LGR4: variants seen among roughly 807,000 people sequenced by gnomAD.
LGR4 encodes the protein leucine rich repeat containing G protein-coupled receptor 4.
A neutral mutation model predicts 84.8 loss-of-function variants in LGR4; 44 were observed. The ratio of observed to expected loss-of-function variants is 0.52; its 90% CI spans 0.41 to 0.67. The LOEUF (loss-of-function observed/expected upper bound fraction) is 0.67, where lower values mean the gene tolerates loss of function less well. Ranked by LOEUF, LGR4 falls within the 30% of genes least tolerant of loss-of-function variation. The pLI is 0.00. For synonymous variants in LGR4, 429 were observed against 434.3 expected, an observed-to-expected ratio of 0.99 and a Z score of 0.15; for missense variants, 1,032 against 1,131.4, an observed-to-expected ratio of 0.91 and a Z score of 1.26.
intron 2 of LGR4, among the ~76,000 whole-genome samples, chr11:27,396,539 T>A (rs76408750): frequency 0.035 from 5,334 of 152,174 alleles, 231 homozygotes; most frequent in African/African-American, 0.11. Flanking sequence ...TATTATTATT[T>A]TTTTTATTTT....
At chr11:27,412,457 G>C (rs1397967059) in intron 2 of LGR4, among the ~76,000 whole-genome samples, 2 of 152,026 alleles carry the variant, frequency 1.3e-5, no homozygotes, top group Non-Finnish European at 2.9e-5. Context: ...TGGTAACAAT[G>C]GTAATTATAC....
At chr11:27,378,841 A>G in intron 10 of LGR4, 73 bp from the exon 11 acceptor site, 1 of 992,620 alleles carries the variant, frequency 1.0e-6, no homozygotes, top group Non-Finnish European at 1.6e-6. Flanking sequence ...CCCATATAGA[A>G]TAAGTGCTCA....
chr11:27,440,153 G>T (rs1325009469), intron 1 of LGR4, among the ~76,000 whole-genome samples: 1 of 152,014 alleles, frequency 6.6e-6, no homozygotes, highest in Non-Finnish European at 1.5e-5. Context: ...TGATCTGCCC[G>T]CCTCGGCCTC....
intron 2 of LGR4, among the ~76,000 whole-genome samples, chr11:27,408,069 C>A (rs1863645247): frequency 1.3e-5 from 2 of 152,042 alleles, no homozygotes; most frequent in South Asian, 4.1e-4. Flanking sequence ...ATGTTATTAT[C>A]ATGGATTGAA....
chr11:27,380,274 C>A lies in LGR4; in HGVS notation c.968G>T (p.Ser323Ile). ...PNLTGTVHLE[S>I]LTLTGTKISS... ...CTCTTCAAAGGGCCTTACTTACAGACTTTCCAGGTGGACAGTTCCTGTAAG... is the reference window on the plus strand; with the variant it reads ...CTCTTCAAAGGGCCTTACTTACAGAATTTCCAGGTGGACAGTTCCTGTAAG... The change falls in exon 10 of 18, where the codon AGT (serine) becomes ATT (isoleucine). Residue 323 changes from serine (S) to isoleucine (I), a missense_variant. Physicochemically the swap from Ser to Ile is moderately radical, Grantham distance 142. Transcript: ENST00000379214. 6.2e-7 allele frequency: 1 copy of A among 1,605,360 alleles called. No individual in the cohort carries two copies. The highest frequency in any genetic ancestry group is 8.5e-7 in the Non-Finnish European group (1 of 1,173,636).
chr11:27,408,951 G>A (rs1029248667), intron 2 of LGR4, among the ~76,000 whole-genome samples: 4 of 152,068 alleles, frequency 2.6e-5, no homozygotes, highest in African/African-American at 9.7e-5. Context: ...TGAATTTGGG[G>A]CCACAATCTA....
intron 2 of LGR4, among the ~76,000 whole-genome samples, chr11:27,398,093 C>T (rs770946054): frequency 4.6e-5 from 7 of 152,296 alleles, no homozygotes; most frequent in Non-Finnish European, 7.3e-5. Context: ...GGGGCTCCTT[C>T]CAGGGAAAGC....
At chr11:27,465,960 A>G (rs1864769926) in intron 1 of LGR4, among the ~76,000 whole-genome samples, 1 of 152,208 alleles carries the variant, frequency 6.6e-6, no homozygotes, top group Admixed American at 6.5e-5. Flanking sequence ...AAGTTGGGGG[A>G]AAAAAGAAAA....
At chr11:27,442,586 AACG>A (rs1258423274) in intron 1 of LGR4, among the ~76,000 whole-genome samples, 1 of 152,212 alleles carries the variant, frequency 6.6e-6, no homozygotes, top group Non-Finnish European at 1.5e-5. Context: ...TGTCAACAAC[AACG>A]ACAACAAAAA....
intron 1 of LGR4, among the ~76,000 whole-genome samples, chr11:27,429,186 G>A (rs1312874073): frequency 6.6e-6 from 1 of 152,094 alleles, no homozygotes; most frequent in Non-Finnish European, 1.5e-5. Context: ...TATAACCAGA[G>A]TTGAGGAATA....
chr11:27,408,823 T>C (rs1428539964), intron 2 of LGR4, among the ~76,000 whole-genome samples: 1 of 152,298 alleles, frequency 6.6e-6, no homozygotes, highest in Non-Finnish European at 1.5e-5. Context: ...TAGCATTTTA[T>C]GGTTACAAAT....
At chr11:27,423,441 A>G (rs1019102956) in intron 1 of LGR4, among the ~76,000 whole-genome samples, 1 of 151,848 alleles carries the variant, frequency 6.6e-6, no homozygotes, top group African/African-American at 2.4e-5. Flanking sequence ...CCAAACACAT[A>G]CCCCACACAC....
intron 13 of LGR4, among the ~76,000 whole-genome samples, chr11:27,375,193 G>A (rs1862951880): frequency 6.6e-6 from 1 of 150,830 alleles, no homozygotes; most frequent in South Asian, 2.1e-4. Flanking sequence ...TATTCAGGAG[G>A]TTGAGGCAGG....
At chr11:27,381,552 C>T (rs899773865) in intron 7 of LGR4, among the ~76,000 whole-genome samples, 30 of 152,068 alleles carry the variant, frequency 2.0e-4, no homozygotes, top group Non-Finnish European at 1.6e-4. Flanking sequence ...CGTGGTGGTG[C>T]ATGCCTGCAG....
chr11:27,470,728 C>A (rs1283854483), intron 1 of LGR4, among the ~76,000 whole-genome samples: 2 of 143,340 alleles, frequency 1.4e-5, no homozygotes, highest in Admixed American at 6.9e-5. Context: ...AAAAAAAAAA[C>A]CTCAAATACA....
At chr11:27,382,873 A>G (rs1167509691) in intron 6 of LGR4, among the ~76,000 whole-genome samples, 2 of 152,050 alleles carry the variant, frequency 1.3e-5, no homozygotes, top group African/African-American at 4.8e-5. Flanking sequence ...CAAAATTAGC[A>G]GGGCATGGTG....
At chr11:27,399,458 A>G (rs1863456597) in intron 2 of LGR4, among the ~76,000 whole-genome samples, 1 of 152,092 alleles carries the variant, frequency 6.6e-6, no homozygotes, top group African/African-American at 2.4e-5. Context: ...TGTGAGTGAC[A>G]TTCTTTTATT....
intron 17 of LGR4, among the ~76,000 whole-genome samples, chr11:27,371,294 T>C (rs1186307275): frequency 6.6e-6 from 1 of 152,158 alleles, no homozygotes; most frequent in African/African-American, 2.4e-5. Flanking sequence ...ACACATACAA[T>C]CTGCATAGAC....
At chr11:27,408,345 C>T (rs1205616337) in intron 2 of LGR4, among the ~76,000 whole-genome samples, 1 of 152,076 alleles carries the variant, frequency 6.6e-6, no homozygotes, top group Non-Finnish European at 1.5e-5. Flanking sequence ...GTGAAGTCTT[C>T]CAAAGTCAAA....
Sources: gnomAD v4.1 joint callset for allele counts (sites outside exome capture counted in the v4.1 genomes callset) on GRCh38, gnomAD v4.1.1 for gene constraint, MANE v1.5 for transcripts, NCBI Gene and HGNC (gene_info 2026-07-23, HGNC 2026-07-21) for gene names.